DPP10: variants seen among roughly 807,000 people sequenced by gnomAD.
DPP10 encodes the protein inactive dipeptidyl peptidase 10.
A neutral mutation model predicts 120.9 loss-of-function variants in DPP10; 33 were observed. The ratio of observed to expected loss-of-function variants is 0.27; its 90% CI spans 0.21 to 0.37. The LOEUF (loss-of-function observed/expected upper bound fraction) is 0.37. DPP10 is among the 10% of genes least tolerant of loss of function. The pLI is 1.00. For missense variants in DPP10, 816 were observed against 942.8 expected (o/e 0.87, Z 1.76); for synonymous variants, 337 against 326.1 (o/e 1.03, Z -0.36).
chr2:114,597,805 T>G, intron 1 of DPP10, among the ~76,000 whole-genome samples: 1 of 152,070 alleles, frequency 6.6e-6, no homozygotes, highest in Non-Finnish European at 1.5e-5. Flanking sequence ...CCACTCAATG[T>G]CTTTGTCACT....
At chr2:115,747,996 G>T (rs1363264220) in intron 10 of DPP10, among the ~76,000 whole-genome samples, 1 of 152,016 alleles carries the variant, frequency 6.6e-6, no homozygotes, top group Non-Finnish European at 1.5e-5. Context: ...AGGAGCTCTT[G>T]ATTCCTGACC....
intron 1 of DPP10, among the ~76,000 whole-genome samples, chr2:114,600,167 T>C (rs1197493342): frequency 4.0e-5 from 6 of 151,646 alleles, no homozygotes; most frequent in Non-Finnish European, 8.9e-5. Flanking sequence ...GTTACACAGA[T>C]GTTAAACCAC....
At chr2:115,663,722 C>T (rs532704923) in intron 5 of DPP10, among the ~76,000 whole-genome samples, 8 of 152,204 alleles carry the variant, frequency 5.3e-5, no homozygotes, top group South Asian at 4.2e-4. Context: ...ACAGGCTGGG[C>T]GCGGTGGCTC....
chr2:115,777,080 G>T, intron 13 of DPP10, 128 bp from the exon 14 acceptor site: 1 of 755,272 alleles, frequency 1.3e-6, no homozygotes, highest in South Asian at 1.8e-5. Context: ...TTGAGCTGTG[G>T]AACAGAAAAC....
intron 21 of DPP10, among the ~76,000 whole-genome samples, chr2:115,828,420 A>C (rs922238144): frequency 6.6e-6 from 1 of 152,136 alleles, no homozygotes; most frequent in Non-Finnish European, 1.5e-5. Flanking sequence ...TGTTTTTAAC[A>C]AATTTGGAAA....
intron 1 of DPP10, among the ~76,000 whole-genome samples, chr2:115,005,387 GAGA>G (rs1355481576): frequency 6.6e-6 from 1 of 152,254 alleles, no homozygotes; most frequent in East Asian, 1.9e-4. Flanking sequence ...GACGAGCTGA[GAGA>G]AGAAGGCTTC....
At chr2:115,560,675 C>T (rs1181653563) in intron 5 of DPP10, among the ~76,000 whole-genome samples, 1 of 151,278 alleles carries the variant, frequency 6.6e-6, no homozygotes, top group African/African-American at 2.4e-5. Flanking sequence ...AGTGCAGTGG[C>T]ACTATCATGG....
intron 1 of DPP10, among the ~76,000 whole-genome samples, chr2:115,198,402 G>GT (rs1466077882): frequency 6.6e-6 from 1 of 152,102 alleles, no homozygotes; most frequent in Non-Finnish European, 1.5e-5. Context: ...AATTTGGCAT[G>GT]TGTGTGTGTA....
intron 3 of DPP10, among the ~76,000 whole-genome samples, chr2:115,415,091 T>A (rs1026001364): frequency 2.0e-5 from 3 of 152,178 alleles, no homozygotes; most frequent in Admixed American, 6.6e-5. Flanking sequence ...CAAACTGTGA[T>A]CCTATTGTGA....
At chr2:115,389,100 A>G (rs1034802637) in intron 3 of DPP10, among the ~76,000 whole-genome samples, 3 of 152,140 alleles carry the variant, frequency 2.0e-5, no homozygotes, top group African/African-American at 7.2e-5. Context: ...TGCTTTTGCA[A>G]TCAAAACCAC....
At chr2:115,560,237 G>A (rs1201692077) in intron 5 of DPP10, among the ~76,000 whole-genome samples, 1 of 148,378 alleles carries the variant, frequency 6.7e-6, no homozygotes, top group Non-Finnish European at 1.5e-5. Flanking sequence ...CAGGTGTGGT[G>A]GCTGGTGCCT....
intron 1 of DPP10, among the ~76,000 whole-genome samples, chr2:114,819,739 G>A (rs767012252): frequency 1.4e-4 from 21 of 152,062 alleles, no homozygotes; most frequent in Non-Finnish European, 2.6e-4. Context: ...TTTTTCTTTT[G>A]TGAGCATCTA....
intron 1 of DPP10, among the ~76,000 whole-genome samples, chr2:115,012,205 C>T (rs754729935): frequency 6.6e-6 from 1 of 152,030 alleles, no homozygotes; most frequent in Non-Finnish European, 1.5e-5. Flanking sequence ...ATCTACCAGC[C>T]CTGGTAGCTG....
chr2:114,803,971 G>C (rs1265184507), intron 1 of DPP10, among the ~76,000 whole-genome samples: 1 of 152,182 alleles, frequency 6.6e-6, no homozygotes, highest in Non-Finnish European at 1.5e-5. Context: ...TCCCATCACA[G>C]GCCCGGAGGC....
intron 1 of DPP10, among the ~76,000 whole-genome samples, chr2:115,088,776 A>G (rs984697107): frequency 1.3e-5 from 2 of 150,650 alleles, no homozygotes; most frequent in African/African-American, 4.9e-5. Context: ...AAAACCAAAA[A>G]ACAAAAAAAA....
intron 7 of DPP10, among the ~76,000 whole-genome samples, chr2:115,699,052 A>AAAAAAAAAAC (rs2091760937): frequency 7.0e-6 from 1 of 143,150 alleles, no homozygotes; most frequent in African/African-American, 2.5e-5. Flanking sequence ...AAAAAAAACA[A>AAAAAAAAAAC]GAGAAGACTC....
intron 1 of DPP10, among the ~76,000 whole-genome samples, chr2:114,595,149 C>T (rs1691804719): frequency 6.6e-6 from 1 of 152,136 alleles, no homozygotes; most frequent in South Asian, 2.1e-4. Context: ...TACCTAAAGT[C>T]CCGTCTCCAG....
rs1398247984 is a variant in DPP10 at position 114,901,783 on chromosome 2, A to T, written c.61-407456A>T. On this transcript the variant is annotated intron_variant, in intron 1 of 25. Transcript: ENST00000410059. ...TCAGTGAAAATTTTAAAGAAGTGGG[A>T]TCAAGAACCTTAAGCTCTTTCTTCA... 3.3e-5 allele frequency among the ~76,000 whole-genome samples: 5 copies of T among 152,338 alleles called. No individual in the cohort carries two copies. The East Asian group carries it at 7.7e-4, about 23-fold the overall frequency.
intron 5 of DPP10, among the ~76,000 whole-genome samples, chr2:115,678,403 C>A (rs1219130808): frequency 1.3e-5 from 2 of 152,230 alleles, no homozygotes; most frequent in East Asian, 1.9e-4. Flanking sequence ...CAGCTCTGGC[C>A]ATTGCTTCAG....
Sources: allele counts gnomAD v4.1 joint callset (sites outside exome capture counted in the v4.1 genomes callset), GRCh38; gene constraint gnomAD v4.1.1; transcripts MANE v1.5; gene names NCBI Gene and HGNC (gene_info 2026-07-23, HGNC 2026-07-21).